MAPK10: variants seen among roughly 807,000 people sequenced by gnomAD.
MAPK10 encodes the protein JNK3 alpha protein kinase.
Under a neutral mutation model 59.3 loss-of-function variants are expected in MAPK10, and 25 were observed. That is an observed-to-expected ratio of 0.42 (90% confidence interval 0.31 to 0.59). The LOEUF is 0.59. MAPK10 is among the 20% of genes least tolerant of loss of function. The pLI, the probability that MAPK10 is intolerant of heterozygous loss-of-function variation, is 0.15. For synonymous variants in MAPK10, 190 were observed against 200.5 expected, an observed-to-expected ratio of 0.95 and a Z score of 0.44; for missense variants, 351 against 568.9, an observed-to-expected ratio of 0.62 and a Z score of 3.90.
chr4:86,177,803 G>A (rs1460763), intron 3 of MAPK10, among the ~76,000 whole-genome samples: 49,460 of 151,756 alleles, frequency 0.33, 11,135 homozygotes, highest in African/African-American at 0.64. Context: ...GTGCCAAAAA[G>A]TAATAGTAAA....
At chr4:86,028,091 G>A (rs1751250639) in intron 13 of MAPK10, 1 of 152,236 alleles carries the variant, frequency 6.6e-6, no homozygotes, top group African/African-American at 2.4e-5. Context: ...GAGTCATTCT[G>A]CCTTAGCAGG....
chr4:86,469,043 C>T (rs1318390165), intron 1 of MAPK10, among the ~76,000 whole-genome samples: 1 of 151,994 alleles, frequency 6.6e-6, no homozygotes, highest in Non-Finnish European at 1.5e-5. Context: ...AGAGAAGCTG[C>T]CTTCAGATAT....
At chr4:86,477,915 T>A (rs1177216595) in intron 1 of MAPK10, among the ~76,000 whole-genome samples, 1 of 152,170 alleles carries the variant, frequency 6.6e-6, no homozygotes, top group African/African-American at 2.4e-5. Flanking sequence ...CTGACACCCA[T>A]CAGGCTCAGC....
intron 2 of MAPK10, among the ~76,000 whole-genome samples, chr4:86,200,259 A>G (rs1294327056): frequency 8.6e-5 from 13 of 152,000 alleles, no homozygotes; most frequent in Admixed American, 7.9e-4. Flanking sequence ...TGAAAAATGC[A>G]TATATCCCTG....
intron 1 of MAPK10, among the ~76,000 whole-genome samples, chr4:86,570,298 A>T (rs1761358958): frequency 6.6e-6 from 1 of 152,170 alleles, no homozygotes; most frequent in Non-Finnish European, 1.5e-5. Context: ...AAATAGGTAC[A>T]GGTAAATTTA....
chr4:86,350,035 G>A (rs1003435193), intron 2 of MAPK10, among the ~76,000 whole-genome samples: 2 of 152,044 alleles, frequency 1.3e-5, no homozygotes, highest in African/African-American at 4.8e-5. Context: ...GGGATGGATG[G>A]GAGTATGACA....
chr4:86,459,758 T>C (rs761013314), intron 1 of MAPK10, among the ~76,000 whole-genome samples: 1 of 152,090 alleles, frequency 6.6e-6, no homozygotes, highest in Non-Finnish European at 1.5e-5. Flanking sequence ...CTCTGGGGAC[T>C]CAGGCAGAAA....
At chr4:86,031,282 G>T in intron 12 of MAPK10, 86 bp downstream of exon 12, 2 of 946,542 alleles carry the variant, frequency 2.1e-6, no homozygotes, top group Admixed American at 2.2e-5. Context: ...TCATTTTTTA[G>T]TAAATTGTTT....
At chr4:86,104,633 G>A (rs1480041632) in intron 5 of MAPK10, among the ~76,000 whole-genome samples, 1 of 151,940 alleles carries the variant, frequency 6.6e-6, no homozygotes, top group Non-Finnish European at 1.5e-5. Context: ...ACATTCACAT[G>A]AACACTACTT....
At chr4:86,352,911 C>T (rs1732333191) in intron 2 of MAPK10, among the ~76,000 whole-genome samples, 1 of 152,082 alleles carries the variant, frequency 6.6e-6, no homozygotes, top group Non-Finnish European at 1.5e-5. Flanking sequence ...TGTCTTGTAT[C>T]CCTCTTCAAC....
At chr4:86,335,630 G>A (rs1014970168) in intron 2 of MAPK10, among the ~76,000 whole-genome samples, 2 of 150,168 alleles carry the variant, frequency 1.3e-5, no homozygotes, top group Non-Finnish European at 3.0e-5. Context: ...TTTTCACACT[G>A]CTATAAAGAC....
At chr4:86,497,046 C>T (rs891935836) in intron 1 of MAPK10, among the ~76,000 whole-genome samples, 2 of 152,178 alleles carry the variant, frequency 1.3e-5, no homozygotes, top group African/African-American at 4.8e-5. Context: ...TTCATTCTAT[C>T]CTCAAAACTT....
chr4:86,262,884 G>A (rs1365501693), intron 2 of MAPK10, among the ~76,000 whole-genome samples: 1 of 152,104 alleles, frequency 6.6e-6, no homozygotes, highest in African/African-American at 2.4e-5. Context: ...TCTACTCTGT[G>A]TCCAGGAGGC....
At chr4:86,041,790 C>T (rs1323115899) in intron 11 of MAPK10, among the ~76,000 whole-genome samples, 2 of 152,084 alleles carry the variant, frequency 1.3e-5, no homozygotes, top group African/African-American at 4.8e-5. Flanking sequence ...ATGCCAGTTA[C>T]AATGGTGATT....
intron 2 of MAPK10, among the ~76,000 whole-genome samples, chr4:86,195,176 T>G (rs2080995628): frequency 6.6e-6 from 1 of 152,196 alleles, no homozygotes; most frequent in Non-Finnish European, 1.5e-5. Context: ...TACTAAGTTA[T>G]TTGAGAATGA....
chr4:86,303,860 G>A (rs1470811571), intron 2 of MAPK10, among the ~76,000 whole-genome samples: 2 of 152,136 alleles, frequency 1.3e-5, no homozygotes, highest in African/African-American at 2.4e-5. Context: ...AGAATCATCT[G>A]CACTGCTATC....
upstream of MAPK10, among the ~76,000 whole-genome samples, chr4:86,456,823 C>A (rs934552682): frequency 3.3e-4 from 50 of 152,256 alleles, 1 homozygote; most frequent in Non-Finnish European, 4.9e-4. Flanking sequence ...CAGTATCACT[C>A]TAATACCAAA....
intron 11 of MAPK10, among the ~76,000 whole-genome samples, chr4:86,040,635 A>T (rs1441076844): frequency 1.3e-5 from 2 of 152,154 alleles, no homozygotes; most frequent in African/African-American, 4.8e-5. Flanking sequence ...AAGTTCTCTA[A>T]TCAGATTCAA....
intron 1 of MAPK10, among the ~76,000 whole-genome samples, chr4:86,540,566 G>A (rs148190942): frequency 6.6e-6 from 1 of 152,284 alleles, no homozygotes; most frequent in African/African-American, 2.4e-5. Context: ...AAACGAACAT[G>A]ATTGGAAAAC....
Sources: gnomAD v4.1 joint callset for allele counts (sites outside exome capture counted in the v4.1 genomes callset) on GRCh38, gnomAD v4.1.1 for gene constraint, MANE v1.5 for transcripts, NCBI Gene and HGNC (gene_info 2026-07-23, HGNC 2026-07-21) for gene names.